DLG1: variants seen among roughly 807,000 people sequenced by gnomAD.
DLG1 encodes discs large MAGUK scaffold protein 1.
A neutral mutation model predicts 123.4 loss-of-function variants in DLG1; 42 were observed. That is an observed-to-expected ratio of 0.34 (90% CI 0.27 to 0.44). The LOEUF (loss-of-function observed/expected upper bound fraction) is 0.44. Among genes scored for constraint, DLG1 ranks in the 20% least tolerant of loss-of-function variants. The probability of loss-of-function intolerance (pLI) is 1.00; values close to 1 mark genes in which losing one functional copy is unlikely to be tolerated. For missense variants in DLG1, 942 were observed against 1,082.6 expected (o/e 0.87, Z 1.82); for synonymous variants, 317 against 356.2 (o/e 0.89, Z 1.24).
chr3:197,286,832 A>G (rs926026062), intron 3 of DLG1, among the ~76,000 whole-genome samples: 4 of 151,930 alleles, frequency 2.6e-5, no homozygotes, highest in African/African-American at 9.7e-5. Context: ...GGCTCCAGCA[A>G]TTCCACCACC....
intron 5 of DLG1, among the ~76,000 whole-genome samples, chr3:197,159,521 T>G (rs1327439595): frequency 6.6e-6 from 1 of 152,240 alleles, no homozygotes; most frequent in East Asian, 1.9e-4. Context: ...TCTGTTTTTA[T>G]TTCTAATACA....
At chr3:197,067,880 A>AAC (rs1560444952) in intron 19 of DLG1, among the ~76,000 whole-genome samples, 1 of 144,076 alleles carries the variant, frequency 6.9e-6, no homozygotes, top group Non-Finnish European at 1.5e-5. Flanking sequence ...GTTTTAAACT[A>AAC]ACACACACAC....
At chr3:197,143,595 A>G (rs1372577051) in intron 6 of DLG1, among the ~76,000 whole-genome samples, 1 of 152,228 alleles carries the variant, frequency 6.6e-6, no homozygotes, top group East Asian at 1.9e-4. Context: ...TACTTCCTCT[A>G]AAACTTTCAC....
intron 4 of DLG1, among the ~76,000 whole-genome samples, chr3:197,201,767 G>A (rs2150331224): frequency 6.6e-6 from 1 of 151,920 alleles, no homozygotes; most frequent in African/African-American, 2.4e-5. Context: ...GAAGTTCAAT[G>A]TAATACTACA....
At chr3:197,049,657 C>T (rs1172880875) in intron 24 of DLG1, among the ~76,000 whole-genome samples, 1 of 144,638 alleles carries the variant, frequency 6.9e-6, no homozygotes, top group Non-Finnish European at 1.5e-5. Flanking sequence ...GAGGCTGAGG[C>T]AGGAGAATCG....
At chr3:197,271,617 G>T (rs1333364933) in intron 4 of DLG1, among the ~76,000 whole-genome samples, 2 of 152,126 alleles carry the variant, frequency 1.3e-5, no homozygotes, top group Non-Finnish European at 2.9e-5. Flanking sequence ...GTATGTATTT[G>T]ATTTATCTGC....
In DLG1 at chr3:197,176,438, C is replaced by T. The variant is rs77951843; in HGVS notation, c.483+17987G>A. The stretch of plus-strand genomic sequence containing the variant: ...GTATCATACAGAATGGCTTTACTGT[C>T]CTAAAAATCCTCTGTGCTCTATTAT... On this transcript the variant is annotated intron_variant, in intron 5 of 24. Coordinates refer to ENST00000667157, the MANE Select transcript of DLG1 (RefSeq NM_001366207.1). Among the ~76,000 whole-genome samples the T allele has an allele frequency of 4.9e-3, 747 of 152,174 alleles. 8 individuals are homozygous for T. The highest frequency in any genetic ancestry group is 5.1e-3 in the Non-Finnish European group (347 of 67,966).
intron 5 of DLG1, among the ~76,000 whole-genome samples, chr3:197,159,672 A>G (rs1317775504): frequency 2.6e-5 from 4 of 152,210 alleles, no homozygotes; most frequent in Non-Finnish European, 5.9e-5. Context: ...TAATTTTATA[A>G]TGTACACATT....
At chr3:197,091,078 T>C (rs1484012539) in intron 14 of DLG1, 52 bp from the exon 15 acceptor site, 11 of 1,264,030 alleles carry the variant, frequency 8.7e-6, no homozygotes, top group Non-Finnish European at 1.3e-5. Context: ...AAATAAGTTA[T>C]TTGAAGATAA....
At chr3:197,190,793 G>A (rs1450099197) in intron 5 of DLG1, among the ~76,000 whole-genome samples, 1 of 152,158 alleles carries the variant, frequency 6.6e-6, no homozygotes, top group Admixed American at 6.5e-5. Context: ...GGCGGATCAC[G>A]AGGTCAGGAG....
At chr3:197,159,296 C>A (rs568229108) in intron 5 of DLG1, among the ~76,000 whole-genome samples, 3 of 152,264 alleles carry the variant, frequency 2.0e-5, no homozygotes, top group East Asian at 3.9e-4. Context: ...TGAAAGTACT[C>A]TGAAAAGTAT....
At chr3:197,115,777 G>A in intron 13 of DLG1, 150 bp downstream of exon 13, 1 of 745,836 alleles carries the variant, frequency 1.3e-6, no homozygotes, top group Non-Finnish European at 2.1e-6. Flanking sequence ...TATGTTCTCT[G>A]ACACTACAAT....
intron 5 of DLG1, among the ~76,000 whole-genome samples, chr3:197,186,108 T>C (rs1302355558): frequency 6.6e-6 from 1 of 152,196 alleles, no homozygotes; most frequent in African/African-American, 2.4e-5. Context: ...TATGAAAATG[T>C]CCTGTTACAT....
chr3:197,131,584 CTTTTTTTTTTTT>C (rs773487577), intron 10 of DLG1, among the ~76,000 whole-genome samples: 1,311 of 65,834 alleles, frequency 0.02, 28 homozygotes, highest in African/African-American at 0.062. Flanking sequence ...TTCTTCCTTT[CTTTTTTTTTTTT>C]TTTTTTTTTT....
At chr3:197,257,655 T>C (rs140280476) in intron 4 of DLG1, among the ~76,000 whole-genome samples, 14 of 152,286 alleles carry the variant, frequency 9.2e-5, no homozygotes, top group Admixed American at 7.2e-4. Flanking sequence ...AAGAAAGACA[T>C]GATCCTATTA....
intron 5 of DLG1, among the ~76,000 whole-genome samples, chr3:197,193,493 C>T (rs1309470811): frequency 6.6e-6 from 1 of 152,134 alleles, no homozygotes. Flanking sequence ...TTTACAAGCA[C>T]TTTTTACACT....
chr3:197,160,776 G>A (rs973916698), intron 5 of DLG1, among the ~76,000 whole-genome samples: 17 of 151,972 alleles, frequency 1.1e-4, no homozygotes, highest in Non-Finnish European at 4.4e-5. Flanking sequence ...CCCCAATGGA[G>A]CTTATTTTGA....
intron 5 of DLG1, among the ~76,000 whole-genome samples, chr3:197,192,732 A>G (rs943323513): frequency 2.0e-5 from 3 of 152,128 alleles, no homozygotes; most frequent in South Asian, 4.1e-4. Flanking sequence ...GTATGTGTGT[A>G]TAAGAACAGA....
intron 5 of DLG1, among the ~76,000 whole-genome samples, chr3:197,160,097 T>C (rs1798195710): frequency 6.6e-6 from 1 of 152,222 alleles, no homozygotes; most frequent in Admixed American, 6.5e-5. Flanking sequence ...ACAGGTTAAG[T>C]GGTAGGACTG....
Sources: gnomAD v4.1 joint callset for allele counts (sites outside exome capture counted in the v4.1 genomes callset) on GRCh38, gnomAD v4.1.1 for gene constraint, MANE v1.5 for transcripts, NCBI Gene and HGNC (gene_info 2026-07-23, HGNC 2026-07-21) for gene names.